Variants in FAT3 observed in about 807,000 individuals in gnomAD.
FAT3 encodes protocadherin Fat 3.
FAT3 carries 95 observed loss-of-function variants against 310.2 expected under a neutral mutation model. The ratio of observed to expected loss-of-function variants is 0.31; its 90% confidence interval spans 0.26 to 0.36. FAT3 has a LOEUF of 0.36. FAT3 is among the 10% of genes least tolerant of loss of function. The probability of loss-of-function intolerance (pLI) is 1.00; values close to 1 mark genes in which losing one functional copy is unlikely to be tolerated. For synonymous variants in FAT3, 2,314 were observed against 2,192.9 expected, an observed-to-expected ratio of 1.06 and a Z score of -1.54; for missense variants, 5,408 against 5,715.6, an observed-to-expected ratio of 0.95 and a Z score of 1.74.
chr11:92,228,426 G>A (rs1864015972), intron 1 of FAT3, among the ~76,000 whole-genome samples: 1 of 152,174 alleles, frequency 6.6e-6, no homozygotes, highest in South Asian at 2.1e-4. Flanking sequence ...TGACCTGTAT[G>A]CTATACGGTT....
chr11:92,530,127 C>T (rs1223338086), intron 3 of FAT3, among the ~76,000 whole-genome samples: 1 of 152,120 alleles, frequency 6.6e-6, no homozygotes, highest in Non-Finnish European at 1.5e-5. Flanking sequence ...CTGCATATAA[C>T]ATCAGCATGC....
intron 4 of FAT3, among the ~76,000 whole-genome samples, chr11:92,737,279 C>T (rs574757847): frequency 9.9e-5 from 15 of 152,232 alleles, no homozygotes; most frequent in African/African-American, 2.9e-4. Flanking sequence ...TGATTTTTGT[C>T]TCTGATTTCC....
intron 4 of FAT3, among the ~76,000 whole-genome samples, chr11:92,714,871 A>G (rs1385918634): frequency 6.6e-6 from 1 of 152,208 alleles, no homozygotes; most frequent in Non-Finnish European, 1.5e-5. Flanking sequence ...TGAATGATCC[A>G]TGAAGGGAAA....
intron 4 of FAT3, among the ~76,000 whole-genome samples, chr11:92,720,576 C>G (rs1209268716): frequency 6.6e-6 from 1 of 152,172 alleles, no homozygotes; most frequent in East Asian, 1.9e-4. Flanking sequence ...GGACTTTTGA[C>G]AGTATTCCAC....
intron 2 of FAT3, among the ~76,000 whole-genome samples, chr11:92,408,727 C>A: frequency 6.6e-6 from 1 of 152,018 alleles, no homozygotes; most frequent in East Asian, 1.9e-4. Flanking sequence ...AAGCATGGAT[C>A]AAATATGGAA....
chr11:92,799,547 T>G lies in FAT3; in HGVS notation c.6534T>G (p.Ile2178Met), dbSNP rs764963348. The G allele has an allele frequency of 6.2e-7, 1 of 1,613,796 alleles. No homozygotes were observed. The highest frequency in any genetic ancestry group is 8.5e-7 in the Non-Finnish European group (1 of 1,179,848). Residue 2178 changes from isoleucine to methionine, a missense_variant, in exon 10 of 28, where the codon ATT becomes ATG. Physicochemically the swap from Ile to Met is conservative, Grantham distance 10. Transcript: ENST00000525166. ...LSTSVELPIT[I>M]VNKAMPVFDK... ...CATCTGTGGAGCTTCCCATCACTAT[T>G]GTCAACAAAGCAATGCCTGTGTTTG...
chr11:92,732,944 T>C (rs966122205), intron 4 of FAT3, among the ~76,000 whole-genome samples: 3 of 152,156 alleles, frequency 2.0e-5, no homozygotes, highest in African/African-American at 7.2e-5. Flanking sequence ...CCCTGTGGGA[T>C]AACCACTGAG....
chr11:92,773,326 G>C (rs1946506802), intron 6 of FAT3, among the ~76,000 whole-genome samples: 1 of 152,108 alleles, frequency 6.6e-6, no homozygotes, highest in African/African-American at 2.4e-5. Flanking sequence ...CATGTAAATT[G>C]TTTTGTAATT....
intron 4 of FAT3, among the ~76,000 whole-genome samples, chr11:92,728,725 T>C (rs933160120): frequency 1.3e-5 from 2 of 152,164 alleles, no homozygotes; most frequent in African/African-American, 4.8e-5. Context: ...CTGGAGGTTC[T>C]GGGGAAGAAT....
intron 4 of FAT3, among the ~76,000 whole-genome samples, chr11:92,714,576 T>C (rs1300381222): frequency 2.0e-5 from 3 of 152,152 alleles, no homozygotes; most frequent in East Asian, 3.9e-4. Flanking sequence ...CTTTGATCCA[T>C]GGCAGAAATT....
chr11:92,355,374 C>T lies in FAT3; in HGVS notation c.3262C>T (p.Leu1088Phe), dbSNP rs1317686492. The part of the protein sequence containing the change: ...IQYSIRDGSG[L>F]GRFSIDDESG... The stretch of plus-strand genomic sequence containing the variant: ...GTACTCCATCAGGGATGGCAGTGGT[C>T]TTGGAAGGTTCAGTATAGACGACGA... Residue 1088 changes from leucine to phenylalanine, a missense_variant, in exon 2 of 28, where the codon CTT becomes TTT. By Grantham distance (22) the Leu-to-Phe change is conservative. Transcript: ENST00000525166. The T allele has an allele frequency of 5.6e-6, 9 of 1,613,500 alleles. No individual in the cohort carries two copies. In the Middle Eastern group the frequency reaches 1.2e-3, roughly 207 times the overall value.
At chr11:92,622,086 A>C (rs520121) in intron 3 of FAT3, among the ~76,000 whole-genome samples, 1 of 151,938 alleles carries the variant, frequency 6.6e-6, no homozygotes, top group East Asian at 1.9e-4. Context: ...AAATGTGGTG[A>C]ACTGGCCTAG....
At chr11:92,804,510 T>G (rs553311244) in intron 10 of FAT3, among the ~76,000 whole-genome samples, 38 of 152,286 alleles carry the variant, frequency 2.5e-4, no homozygotes, top group African/African-American at 8.4e-4. Flanking sequence ...TTCATCTGTT[T>G]TCTTTTCTTC....
At chr11:92,786,414 C>G (rs1264122667) in intron 7 of FAT3, among the ~76,000 whole-genome samples, 1 of 151,680 alleles carries the variant, frequency 6.6e-6, no homozygotes, top group Non-Finnish European at 1.5e-5. Flanking sequence ...GAATGAGAGG[C>G]CATCTAACCT....
chr11:92,310,236 G>C (rs1448336692), intron 1 of FAT3, among the ~76,000 whole-genome samples: 2 of 152,112 alleles, frequency 1.3e-5, no homozygotes, highest in African/African-American at 2.4e-5. Context: ...CATTTTTACC[G>C]ATTGAAAATT....
intron 4 of FAT3, among the ~76,000 whole-genome samples, chr11:92,755,227 G>GTTTGTTTGTTTGT (rs1162212079): frequency 6.6e-6 from 1 of 151,878 alleles, no homozygotes; most frequent in African/African-American, 2.4e-5. Flanking sequence ...TTGTTTGTTT[G>GTTTGTTTGTTTGT]TTTGTTTGTT....
At chr11:92,645,512 A>T (rs1266217906) in intron 3 of FAT3, among the ~76,000 whole-genome samples, 1 of 151,716 alleles carries the variant, frequency 6.6e-6, no homozygotes, top group Non-Finnish European at 1.5e-5. Context: ...AAACAGGTAA[A>T]CATCTTTTCA....
intron 8 of FAT3, among the ~76,000 whole-genome samples, chr11:92,791,891 A>G (rs1947050198): frequency 6.6e-6 from 1 of 152,242 alleles, no homozygotes; most frequent in Admixed American, 6.5e-5. Flanking sequence ...GTGAAATCAG[A>G]AAGGAGGTGC....
At position 92,425,379 on chromosome 11, in the gene FAT3, C is replaced by A. The variant is rs546528120; in HGVS notation, c.3292+69975C>A. 2.2e-4 allele frequency among the ~76,000 whole-genome samples: 33 copies of A among 151,962 alleles called. No individual in the cohort carries two copies. The South Asian group carries it at 6.0e-3, about 28-fold the overall frequency. ...GCAAAGTAGCAACAAAAAGCCACTT[C>A]CTTTTTCTTATTTTTTTTAATTTTT... On this transcript the variant is annotated intron_variant, in intron 2 of 27. Coordinates refer to ENST00000525166, the MANE Select transcript of FAT3 (RefSeq NM_001367949.2).
Sources: allele counts gnomAD v4.1 joint callset (sites outside exome capture counted in the v4.1 genomes callset), GRCh38; gene constraint gnomAD v4.1.1; transcripts MANE v1.5; gene names NCBI Gene and HGNC (gene_info 2026-07-23, HGNC 2026-07-21).